The following SLF1 variants were observed in gnomAD, a reference collection of about 807,000 sequenced individuals.
SLF1 encodes SMC5/6 complex localization factor 1.
A neutral mutation model predicts 123.0 loss-of-function variants in SLF1; 105 were observed. That is an observed-to-expected ratio of 0.85 (90% CI 0.73 to 1.00). The LOEUF is 1.00. Among genes scored for constraint, SLF1 ranks in the 50% least tolerant of loss-of-function variants. SLF1 has a pLI of 0.00. For synonymous variants in SLF1, 434 were observed against 406.6 expected (o/e 1.07, Z -0.81); for missense variants, 1,239 against 1,223.0 (o/e 1.01, Z -0.20).
intron 14 of SLF1, among the ~76,000 whole-genome samples, chr5:94,672,622 C>T (rs993953401): frequency 8.6e-5 from 13 of 151,978 alleles, no homozygotes; most frequent in African/African-American, 2.4e-4. Context: ...TTAAACATGA[C>T]CATTGCATTT....
chr5:94,652,016 T>C (rs1417623035), intron 7 of SLF1, among the ~76,000 whole-genome samples, 171 bp downstream of exon 7: 1 of 44,148 alleles, frequency 2.3e-5, no homozygotes, highest in Non-Finnish European at 4.6e-5. Context: ...TCTTTTTTCT[T>C]TTTTTTTTTT....
chr5:94,681,085 C>T (rs1409471349), intron 15 of SLF1, among the ~76,000 whole-genome samples: 1 of 152,204 alleles, frequency 6.6e-6, no homozygotes, highest in Admixed American at 6.5e-5. Flanking sequence ...GCTTAGGCTT[C>T]AAATTCGGTT....
intron 15 of SLF1, among the ~76,000 whole-genome samples, chr5:94,685,340 T>G (rs978295446): frequency 1.3e-5 from 2 of 152,244 alleles, no homozygotes; most frequent in African/African-American, 4.8e-5. Context: ...ATGTTTACTT[T>G]GCTAACTGTA....
chr5:94,629,094 A>G lies in SLF1; in HGVS notation c.117A>G (p.Lys39=), dbSNP rs1460616050. The G allele has an allele frequency of 6.5e-7, 1 of 1,538,240 alleles. No individual in the cohort carries two copies. Among genetic ancestry groups the G allele is most frequent in the Non-Finnish European group, 8.8e-7 (1 of 1,141,258 alleles). ...TTGATGTGGATTTTTCCCTCCAGAA[A>G]TACAAAAATTGTACACATCTTATAG... ...KLDCTFIKSE[K]YKNCTHLIAE... is the part of the protein sequence containing the mutation. The change falls in exon 3 of 21, where the codon AAA becomes AAG. Residue 39 remains lysine (K), a splice_region_variant and synonymous_variant. Coordinates refer to ENST00000265140, the MANE Select transcript of SLF1 (RefSeq NM_032290.4).
chr5:94,632,988 C>G (rs1745370426), intron 4 of SLF1, among the ~76,000 whole-genome samples: 1 of 151,664 alleles, frequency 6.6e-6, no homozygotes, highest in South Asian at 2.1e-4. Context: ...CGCGCCCGAC[C>G]TTTATTTTTT....
At chr5:94,669,990 T>C (rs1184441650) in intron 12 of SLF1, among the ~76,000 whole-genome samples, 161 bp from the exon 13 acceptor site, 1 of 152,038 alleles carries the variant, frequency 6.6e-6, no homozygotes, top group African/African-American at 2.4e-5. Context: ...CATTGTTTAA[T>C]TTTTGAAGGA....
At chr5:94,655,662 A>G (rs971249672) in intron 9 of SLF1, among the ~76,000 whole-genome samples, 2 of 151,688 alleles carry the variant, frequency 1.3e-5, no homozygotes, top group African/African-American at 2.4e-5. Context: ...GAGATCTTTC[A>G]CCTCCTTGGT....
At chr5:94,682,745 A>G (rs927452040) in intron 15 of SLF1, among the ~76,000 whole-genome samples, 1 of 152,304 alleles carries the variant, frequency 6.6e-6, no homozygotes, top group South Asian at 2.1e-4. Context: ...TTGGACAGAA[A>G]TTTTCTTTTC....
intron 20 of SLF1, among the ~76,000 whole-genome samples, 154 bp downstream of exon 20, chr5:94,692,410 G>A (rs568147022): frequency 7.2e-5 from 11 of 152,164 alleles, no homozygotes; most frequent in Admixed American, 2.0e-4. Flanking sequence ...CTCCTAAAAC[G>A]TAAGCACCTT....
chr5:94,665,278 A>G (rs1196411545), intron 11 of SLF1, among the ~76,000 whole-genome samples: 4 of 152,066 alleles, frequency 2.6e-5, no homozygotes, highest in African/African-American at 9.7e-5. Context: ...CGTGAAGGGT[A>G]GGCTGCATTT....
intron 15 of SLF1, among the ~76,000 whole-genome samples, chr5:94,684,248 T>C (rs1752133340): frequency 6.6e-6 from 1 of 152,242 alleles, no homozygotes; most frequent in Admixed American, 6.5e-5. Context: ...ATAGATAGGC[T>C]TTTTAATGTA....
chr5:94,654,548 T>G (rs1319202657), intron 8 of SLF1, 82 bp from the exon 9 acceptor site: 19 of 1,131,348 alleles, frequency 1.7e-5, no homozygotes, highest in Non-Finnish European at 4.7e-6. Flanking sequence ...TGTGTTCCTC[T>G]TATATTGTCC....
At chr5:94,689,281 A>G (rs1752801987) in intron 17 of SLF1, among the ~76,000 whole-genome samples, 192 bp from the exon 18 acceptor site, 1 of 152,198 alleles carries the variant, frequency 6.6e-6, no homozygotes, top group Non-Finnish European at 1.5e-5. Flanking sequence ...AGGACTAATA[A>G]AAGAAAATTA....
chr5:94,618,529 A>G (rs1791207824), upstream of SLF1: 1 of 153,020 alleles, frequency 6.5e-6, no homozygotes, highest in Admixed American at 6.5e-5. Context: ...CTGATCTAGC[A>G]AGAGCCTGAC....
chr5:94,632,474 C>A (rs1217072752), intron 4 of SLF1, among the ~76,000 whole-genome samples: 2 of 152,104 alleles, frequency 1.3e-5, no homozygotes, highest in African/African-American at 4.8e-5. Flanking sequence ...CAAATCTTAA[C>A]AATATTGAGT....
At chr5:94,693,624 C>T (rs1355021769) in intron 20 of SLF1, among the ~76,000 whole-genome samples, 1 of 151,948 alleles carries the variant, frequency 6.6e-6, no homozygotes, top group African/African-American at 2.4e-5. Flanking sequence ...AGTGGTTTGA[C>T]ACTTATATTG....
rs1747443677 is a variant in SLF1, at chr5:94,649,589, A to G, written c.730A>G (p.Arg244Gly). The G allele has an allele frequency of 7.4e-6, 11 of 1,486,102 alleles. No homozygotes were observed. The highest frequency in any genetic ancestry group is 5.4e-6 in the Non-Finnish European group (6 of 1,105,800). The allele number at this position is 1,486,102 out of a possible 1,614,324, so 92.1% of individuals were successfully genotyped here. Residue 244 changes from arginine to glycine, a missense_variant, in exon 6 of 21, where the codon AGA (arginine) becomes GGA (glycine). Arg to Gly is a moderately radical substitution (Grantham distance 125). Coordinates refer to ENST00000265140, the MANE Select transcript of SLF1 (RefSeq NM_032290.4). Reference protein sequence around the residue: ...MKGALRETMYRTQKEMQNHED... With the variant: ...MKGALRETMYGTQKEMQNHED... ...AGGTGCCTTAAGAGAGACCATGTAT[A>G]GAACCCAGGTAAACTTTATAGGCTG...
chr5:94,697,444 G>C lies in SLF1; in HGVS notation c.*2132G>C, dbSNP rs1018713484. 4 of 151,882 alleles carry C rather than the reference G, an allele frequency of 2.6e-5. No individual in the cohort carries two copies. The highest frequency in any genetic ancestry group is 5.9e-5 in the Non-Finnish European group (4 of 67,916). The allele number at this position is 151,882 out of a possible 1,614,324, so 9.4% of individuals were successfully genotyped here. ...AGTATAATTCATAGTCTTAGTCCTA[G>C]ATTTTCAATGGCAGACTTTTCAAAG... On this transcript the variant is annotated 3_prime_UTR_variant, in exon 21 of 21. Coordinates refer to ENST00000265140, the MANE Select transcript of SLF1 (RefSeq NM_032290.4).
chr5:94,669,344 G>T (rs757448425), intron 12 of SLF1, among the ~76,000 whole-genome samples: 1 of 152,068 alleles, frequency 6.6e-6, no homozygotes, highest in South Asian at 2.1e-4. Context: ...AGAAGACAGC[G>T]GAAGTGGAGA....
Sources: allele counts gnomAD v4.1 joint callset (sites outside exome capture counted in the v4.1 genomes callset), GRCh38; gene constraint gnomAD v4.1.1; transcripts MANE v1.5; gene names NCBI Gene and HGNC (gene_info 2026-07-23, HGNC 2026-07-21).